Variants in SCUBE3 observed in about 807,000 individuals in gnomAD.
SCUBE3 encodes signal peptide, CUB and EGF-like domain-containing protein 3.
SCUBE3 carries 33 observed loss-of-function variants against 116.8 expected under a neutral mutation model. That is an observed-to-expected ratio of 0.28 (90% CI 0.21 to 0.38). The LOEUF is 0.38. Among genes scored for constraint, SCUBE3 ranks in the 10% least tolerant of loss-of-function variants. SCUBE3 has a pLI of 1.00. For synonymous variants in SCUBE3, 418 were observed against 496.9 expected, an observed-to-expected ratio of 0.84 and a Z score of 2.11; for missense variants, 1,007 against 1,324.8, an observed-to-expected ratio of 0.76 and a Z score of 3.72.
rs1035959358 is a variant in SCUBE3, at chr6:35,244,339, C to T, written c.2239+209C>T. On this transcript the variant is annotated intron_variant, in intron 17 of 21. Transcript: ENST00000274938. The surrounding 1 kb of genome is among the most constrained non-coding windows in gnomAD (Gnocchi z 4.3). The stretch of plus-strand genomic sequence containing the variant: ...TGGGAACTGAGAAATAATTAACAGT[C>T]CCACTTACCCCTCCACTTTGGAGAA... Among the ~76,000 whole-genome samples, 3 of 152,170 alleles carry T rather than the reference C, an allele frequency of 2.0e-5. No individual in the cohort carries two copies. Among genetic ancestry groups the T allele is most frequent in the Non-Finnish European group, 2.9e-5 (2 of 68,030 alleles).
At position 35,241,322 on chromosome 6, in the gene SCUBE3, G is replaced by A; in HGVS notation, c.1195+56G>A. 1.3e-6 allele frequency: 2 copies of A among 1,548,994 alleles called. No individual in the cohort carries two copies. The highest frequency in any genetic ancestry group is 1.8e-5 in the Admixed American group (1 of 56,512). On this transcript the variant is annotated intron_variant, in intron 10 of 21. Coordinates refer to ENST00000274938, the MANE Select transcript of SCUBE3 (RefSeq NM_152753.4). This position sits in a 1 kb window ranked among gnomAD's most constrained non-coding sequence, Gnocchi z 4.1. ...ACACTGCCATTTCAGGGAGCAGTTG[G>A]GGTTCTGGAAAGCATAGAGTATCAC...
At position 35,239,718 on chromosome 6, in the gene SCUBE3, G is replaced by C. The variant is rs766725238; in HGVS notation, c.830-34G>C. 1 of 1,602,250 alleles carries C rather than the reference G, an allele frequency of 6.2e-7. No individual in the cohort carries two copies. The highest frequency in any genetic ancestry group is 8.5e-7 in the Non-Finnish European group (1 of 1,174,396). ...CCTTGTTTGTTCTCAGCCTTTGATA[G>C]TATCTTTTATCCTGTTTTGTCCTCC... On this transcript the variant is annotated intron_variant, in intron 7 of 21. Coordinates refer to ENST00000274938, the MANE Select transcript of SCUBE3 (RefSeq NM_152753.4). This position sits in a 1 kb window ranked among gnomAD's most constrained non-coding sequence, Gnocchi z 4.1.
Position 35,235,713 on chromosome 6 carries a change from T to G in SCUBE3, c.713-2189T>G, listed in dbSNP as rs1783741323. On this transcript the variant is annotated intron_variant, in intron 6 of 21. Transcript: ENST00000274938. This position sits in a 1 kb window ranked among gnomAD's most constrained non-coding sequence, Gnocchi z 4.5. ...GGAGCTTTCATGTTGGTCTCGTCTTTGTTCCTGTCACTCTCCTTCTGCCCT... is the reference window on the plus strand; with the variant it reads ...GGAGCTTTCATGTTGGTCTCGTCTTGGTTCCTGTCACTCTCCTTCTGCCCT... Among the ~76,000 whole-genome samples, 1 of 152,104 alleles carries G rather than the reference T, an allele frequency of 6.6e-6. No individual in the cohort carries two copies. Among genetic ancestry groups the G allele is most frequent in the Admixed American group, 6.5e-5 (1 of 15,276 alleles).
At position 35,242,110 on chromosome 6, in the gene SCUBE3, C is replaced by G. The variant is rs568612391; in HGVS notation, c.1418-94C>G. On this transcript the variant is annotated intron_variant, in intron 12 of 21. Coordinates refer to ENST00000274938, the MANE Select transcript of SCUBE3 (RefSeq NM_152753.4). ...CATAATCTCACTCCCCCAGCCAAGC[C>G]CCTGGCTTATTACCCAGCTTCTCAA... 83 of 966,864 alleles carry G rather than the reference C, an allele frequency of 8.6e-5. No individual in the cohort carries two copies. In the East Asian group the frequency reaches 2.0e-3, roughly 23 times the overall value. 59.9% of individuals were successfully genotyped at this position (966,864 alleles called of 1,614,324 possible).
chr6:35,243,257 G>A lies in SCUBE3; in HGVS notation c.1909+21G>A, dbSNP rs763827049. 5 of 1,602,154 alleles carry A rather than the reference G, an allele frequency of 3.1e-6. No homozygotes were observed. Among genetic ancestry groups the A allele is most frequent in the Non-Finnish European group, 4.3e-6 (5 of 1,171,494 alleles). On this transcript the variant is annotated intron_variant, in intron 15 of 21. Coordinates refer to ENST00000274938, the MANE Select transcript of SCUBE3 (RefSeq NM_152753.4). The surrounding 1 kb of genome is among the most constrained non-coding windows in gnomAD (Gnocchi z 6.6). ...GTGTGGTAAGGGAGCTTACTGGGGA[G>A]CAGGGATGTAGGAAAGACCCAGTTT...
At chr6:35,246,675 C>T (rs878870349) in intron 21 of SCUBE3, among the ~76,000 whole-genome samples, 1 of 152,242 alleles carries the variant, frequency 6.6e-6, no homozygotes, top group Admixed American at 6.5e-5. Context: ...CCCCAGGCCT[C>T]ATTAAGCAGC....
chr6:35,234,694 ATTGT>A (rs1381071645), intron 6 of SCUBE3, among the ~76,000 whole-genome samples: 4 of 152,162 alleles, frequency 2.6e-5, no homozygotes, highest in African/African-American at 4.8e-5. Flanking sequence ...CTCAAAAGAA[ATTGT>A]TTGCAGTGCC....
rs1213752634 is a variant in SCUBE3, at chr6:35,251,044, T to C, written c.*2339T>C. On this transcript the variant is annotated 3_prime_UTR_variant, in exon 22 of 22. Transcript: ENST00000274938. The stretch of plus-strand genomic sequence containing the variant: ...CCAAACAAGGGAAATGGTCATTTAG[T>C]ATGAGTGTCTCTGTACTTCCCAGGA... 3 of 152,170 alleles carry C rather than the reference T, an allele frequency of 2.0e-5. No homozygotes were observed. Among genetic ancestry groups the C allele is most frequent in the Non-Finnish European group, 4.4e-5 (3 of 68,024 alleles). The allele number at this position is 152,170 out of a possible 1,614,324, so 9.4% of individuals were successfully genotyped here.
In SCUBE3 at chr6:35,243,930, C is replaced by A. The variant is rs1784210737; in HGVS notation, c.2072-33C>A. 2.5e-6 allele frequency: 4 copies of A among 1,605,498 alleles called. No individual in the cohort carries two copies. Among genetic ancestry groups the A allele is most frequent in the Non-Finnish European group, 3.4e-6 (4 of 1,174,456 alleles). ...CCCCATGGGGATGACTCAGGACCAT[C>A]CCCATCAGAGTTGGGCCCTTGATTC... On this transcript the variant is annotated intron_variant, in intron 16 of 21. Coordinates refer to ENST00000274938, the MANE Select transcript of SCUBE3 (RefSeq NM_152753.4). This position sits in a 1 kb window ranked among gnomAD's most constrained non-coding sequence, Gnocchi z 6.6.
At position 35,238,031 on chromosome 6, in the gene SCUBE3, A is replaced by G. The variant is rs1267623857; in HGVS notation, c.829+13A>G. On this transcript the variant is annotated intron_variant, in intron 7 of 21. Transcript: ENST00000274938. ...AAGACGTGCAAAGGTAAGGACTTTG[A>G]GAGGACAGAAGCAGAGTGACCTTTG... 4.7e-6 allele frequency: 7 copies of G among 1,491,008 alleles called. No homozygotes were observed. The South Asian group carries it at 8.0e-5, about 17-fold the overall frequency. 92.4% of individuals were successfully genotyped at this position (1,491,008 alleles called of 1,614,324 possible).
In SCUBE3 at chr6:35,245,099, A is replaced by G. The variant is rs547995839; in HGVS notation, c.2402-129A>G. On this transcript the variant is annotated intron_variant, in intron 18 of 21. Transcript: ENST00000274938. This position sits in a 1 kb window ranked among gnomAD's most constrained non-coding sequence, Gnocchi z 4.2. ...AGATGGACTCAGAGCTTGGAAAATA[A>G]TGATGAACTAGAACGCAGACTTCCC... 1 of 855,536 alleles carries G rather than the reference A, an allele frequency of 1.2e-6. No individual in the cohort carries two copies. The highest frequency in any genetic ancestry group is 1.6e-5 in the South Asian group (1 of 63,550). The allele number at this position is 855,536 out of a possible 1,614,324, so 53.0% of individuals were successfully genotyped here. A position where few individuals can be genotyped will look rare whatever the true frequency, so the allele number is the denominator to read the frequency against.
chr6:35,217,039 T>C (rs1392671046), intron 1 of SCUBE3, among the ~76,000 whole-genome samples: 2 of 151,416 alleles, frequency 1.3e-5, no homozygotes, highest in Non-Finnish European at 2.9e-5. Context: ...GTGAGAACTG[T>C]ATGGAAGAGT....
At chr6:35,226,343 C>T (rs1783320561) in intron 1 of SCUBE3, among the ~76,000 whole-genome samples, 1 of 152,116 alleles carries the variant, frequency 6.6e-6, no homozygotes, top group African/African-American at 2.4e-5. Flanking sequence ...ACCTTTGAGC[C>T]TCCACAGCTA....
At position 35,245,518 on chromosome 6, in the gene SCUBE3, G is replaced by T; in HGVS notation, c.2599+93G>T. 9.3e-7 allele frequency: 1 copy of T among 1,077,678 alleles called. No individual in the cohort carries two copies. Among genetic ancestry groups the T allele is most frequent in the Admixed American group, 1.9e-5 (1 of 53,874 alleles). 66.8% of individuals were successfully genotyped at this position (1,077,678 alleles called of 1,614,324 possible). A position where few individuals can be genotyped will look rare whatever the true frequency, so the allele number is the denominator to read the frequency against. The stretch of plus-strand genomic sequence containing the variant: ...AGAGACTGATACAGGAAGAAATGGG[G>T]CAGTGAAGTTAGGGATCTATGAGGG... On this transcript the variant is annotated intron_variant, in intron 19 of 21. Coordinates refer to ENST00000274938, the MANE Select transcript of SCUBE3 (RefSeq NM_152753.4). The surrounding 1 kb of genome is among the most constrained non-coding windows in gnomAD (Gnocchi z 4.2).
At chr6:35,242,527 G>C in intron 13 of SCUBE3, 95 bp from the exon 14 acceptor site, 2 of 1,178,324 alleles carry the variant, frequency 1.7e-6, no homozygotes, top group Non-Finnish European at 2.5e-6. Flanking sequence ...AGGATTGAGA[G>C]ATAGTTACAG....
chr6:35,214,528 T>C lies in SCUBE3; in HGVS notation c.85+25T>C. ...GGTAAGGAAGGAGGGGCGCGCGGCC[T>C]GGGGGCTGTCCTGGCTGCTGGGCCT... On this transcript the variant is annotated intron_variant, in intron 1 of 21. Coordinates refer to ENST00000274938, the MANE Select transcript of SCUBE3 (RefSeq NM_152753.4). The surrounding 1 kb of genome is among the most constrained non-coding windows in gnomAD (Gnocchi z 6.3). 7.0e-7 allele frequency: 1 copy of C among 1,423,690 alleles called. No homozygotes were observed. Among genetic ancestry groups the C allele is most frequent in the Non-Finnish European group, 9.3e-7 (1 of 1,076,882 alleles). The allele number at this position is 1,423,690 out of a possible 1,614,324, so 88.2% of individuals were successfully genotyped here. A position where few individuals can be genotyped will look rare whatever the true frequency, so the allele number is the denominator to read the frequency against.
rs1784485637 is a variant in SCUBE3 at position 35,249,693 on chromosome 6, C to CCT, written c.*989_*990dup. The stretch of plus-strand genomic sequence containing the variant: ...AACATGGTTATTGACCTGAAGCCAG[C>CCT]CTAGGCCTTGCCCTACAGTTGTTTT... On this transcript the variant is annotated 3_prime_UTR_variant, in exon 22 of 22. Coordinates refer to ENST00000274938, the MANE Select transcript of SCUBE3 (RefSeq NM_152753.4). 6.6e-6 allele frequency: 1 copy of CCT among 152,656 alleles called. No homozygotes were observed. The highest frequency in any genetic ancestry group is 1.5e-5 in the Non-Finnish European group (1 of 68,058). The allele number at this position is 152,656 out of a possible 1,614,324, so 9.5% of individuals were successfully genotyped here.
Position 35,246,053 on chromosome 6 carries a change from C to T in SCUBE3, c.2709C>T (p.Ala903=), listed in dbSNP as rs1304237795. The T allele has an allele frequency of 4.3e-6, 7 of 1,614,016 alleles. No homozygotes were observed. In the South Asian group the frequency reaches 5.5e-5, roughly 13 times the overall value. Residue 903 remains alanine (A), a synonymous_variant, in exon 20 of 22, where the codon GCC becomes GCT. Coordinates refer to ENST00000274938, the MANE Select transcript of SCUBE3 (RefSeq NM_152753.4). The part of the protein sequence containing the change: ...KLWINFKTSE[A]NSARGFQIPY... ...GGATCAACTTCAAGACAAGCGAGGC[C>T]AACAGCGCCCGTGGCTTCCAGATTC...
rs1783957645 is a variant in SCUBE3 at position 35,239,850 on chromosome 6, C to T, written c.928C>T (p.Leu310Phe). 6.2e-7 allele frequency: 1 copy of T among 1,607,730 alleles called. No homozygotes were observed. Among genetic ancestry groups the T allele is most frequent in the Non-Finnish European group, 8.5e-7 (1 of 1,178,102 alleles). The change falls in exon 8 of 22, where the codon CTC (leucine) becomes TTC (phenylalanine). Residue 310 changes from leucine (L) to phenylalanine (F), a missense_variant. Physicochemically the swap from Leu to Phe is conservative, Grantham distance 22. Coordinates refer to ENST00000274938, the MANE Select transcript of SCUBE3 (RefSeq NM_152753.4). This position sits in a 1 kb window ranked among gnomAD's most constrained non-coding sequence, Gnocchi z 4.1. Reference protein sequence around the residue: ...ECSCKKGYKLLINERNCQDID... With the variant: ...ECSCKKGYKLFINERNCQDID... ...CAGTTGCAAGAAAGGCTATAAGCTT[C>T]TCATCAATGAGAGGAACTGCCAGGG...
Sources: allele counts gnomAD v4.1 joint callset (sites outside exome capture counted in the v4.1 genomes callset), GRCh38; gene constraint gnomAD v4.1.1; non-coding constraint Gnocchi (gnomAD v3.1); transcripts MANE v1.5; gene names NCBI Gene and HGNC (gene_info 2026-07-23, HGNC 2026-07-21).